NAV3: variants seen among roughly 807,000 people sequenced by gnomAD.
NAV3 encodes the protein pore membrane and/or filament interacting like protein 1.
A neutral mutation model predicts 244.7 loss-of-function variants in NAV3; 87 were observed. That is an observed-to-expected ratio of 0.36 (90% CI 0.30 to 0.42). NAV3 has a LOEUF of 0.42. NAV3 is among the 20% of genes least tolerant of loss of function. NAV3 has a pLI of 1.00. For missense variants in NAV3, 2,663 were observed against 2,893.3 expected, an observed-to-expected ratio of 0.92 and a Z score of 1.83; for synonymous variants, 1,126 against 1,042.2, an observed-to-expected ratio of 1.08 and a Z score of -1.55.
At chr12:78,174,765 T>C (rs1343365956) in intron 24 of NAV3, among the ~76,000 whole-genome samples, 4 of 151,994 alleles carry the variant, frequency 2.6e-5, no homozygotes, top group African/African-American at 9.7e-5. Flanking sequence ...GCCAAGTTAC[T>C]TAACTTCTTT....
intron 12 of NAV3, among the ~76,000 whole-genome samples, chr12:78,100,382 T>A (rs1388542338): frequency 6.6e-6 from 1 of 151,946 alleles, no homozygotes; most frequent in Non-Finnish European, 1.5e-5. Context: ...CCCAAAATTG[T>A]TTTATGCCTA....
intron 2 of NAV3, among the ~76,000 whole-genome samples, chr12:77,789,580 C>T (rs549574317): frequency 4.0e-5 from 6 of 150,832 alleles, no homozygotes; most frequent in East Asian, 2.0e-4. Context: ...GAGGCGGAGG[C>T]GGGTGGATCA....
chr12:77,771,291 C>T (rs370235814), intron 2 of NAV3, among the ~76,000 whole-genome samples: 13 of 152,146 alleles, frequency 8.5e-5, no homozygotes, highest in South Asian at 2.1e-4. Context: ...TGTGGAGAAA[C>T]AGGAACACTT....
intron 2 of NAV3, among the ~76,000 whole-genome samples, chr12:77,622,304 T>C (rs543836622): frequency 1.3e-5 from 2 of 151,960 alleles, no homozygotes; most frequent in Non-Finnish European, 2.9e-5. Flanking sequence ...GGACTACAGG[T>C]GCCCGCCACC....
chr12:77,669,386 C>G (rs184342240), intron 2 of NAV3, among the ~76,000 whole-genome samples: 19 of 152,218 alleles, frequency 1.2e-4, no homozygotes, highest in Non-Finnish European at 1.6e-4. Context: ...CTTAAATGCT[C>G]CACTTAAAAG....
chr12:78,074,659 G>A (rs996596036), intron 12 of NAV3, among the ~76,000 whole-genome samples: 3 of 152,146 alleles, frequency 2.0e-5, no homozygotes, highest in Non-Finnish European at 2.9e-5. Flanking sequence ...AGCAGAGATC[G>A]TGTCACTATA....
rs1960958387 is a variant in NAV3, at chr12:78,212,502, ATTG to A, written c.*1987_*1989del. The A allele has an allele frequency of 6.6e-6, 1 of 152,622 alleles. No homozygotes were observed. Among genetic ancestry groups the A allele is most frequent in the South Asian group, 2.1e-4 (1 of 4,826 alleles). 9.5% of individuals were successfully genotyped at this position (152,622 alleles called of 1,614,324 possible). The stretch of plus-strand genomic sequence containing the variant: ...TCCGAACTGAATTTATGCACATAGA[ATTG>A]TCACCCTGACTTTGAAGCCTCAAAC... On this transcript the variant is annotated 3_prime_UTR_variant, in exon 40 of 40. Coordinates refer to ENST00000397909, the MANE Select transcript of NAV3 (RefSeq NM_001024383.2).
At chr12:78,161,027 G>A (rs1957522886) in intron 23 of NAV3, among the ~76,000 whole-genome samples, 1 of 151,768 alleles carries the variant, frequency 6.6e-6, no homozygotes, top group Non-Finnish European at 1.5e-5. Flanking sequence ...TAAGAACCCA[G>A]CAAATAGAAT....
At position 77,859,885 on chromosome 12, in the gene NAV3, A is replaced by AT. The variant is rs201265890; in HGVS notation, c.243+28187dup. Among the ~76,000 whole-genome samples, 782 of 151,412 alleles carry AT rather than the reference A, an allele frequency of 5.2e-3. 5 individuals are homozygous for AT. The highest frequency in any genetic ancestry group is 0.018 in the African/African-American group (730 of 41,348). On this transcript the variant is annotated intron_variant, in intron 1 of 39. Transcript: ENST00000397909. ...AACCCTGGCATGCCTCATAATTCTC[A>AT]TTTTTTAATTTTCTCCTTATCACAC... is the stretch of plus-strand genomic sequence containing the variant.
rs146687315 is a variant in NAV3 at position 77,914,888 on chromosome 12, G to A, written c.244-25431G>A. Among the ~76,000 whole-genome samples the A allele has an allele frequency of 3.8e-3, 549 of 145,910 alleles. 4 individuals carry two copies. The highest frequency in any genetic ancestry group is 0.013 in the African/African-American group (519 of 39,568). ...GTTTTGAGCTTTATGCCTAATGCCT[G>A]TGTTTTGGTATGCATATTATTTACA... On this transcript the variant is annotated intron_variant, in intron 1 of 39. Transcript: ENST00000397909.
intron 1 of NAV3, among the ~76,000 whole-genome samples, chr12:77,846,958 A>G (rs1277889746): frequency 6.6e-6 from 1 of 152,334 alleles, no homozygotes; most frequent in South Asian, 2.1e-4. Context: ...TCTTAGTTCC[A>G]TGAGTTCATC....
chr12:77,737,718 T>C (rs754370451), intron 2 of NAV3, among the ~76,000 whole-genome samples: 3 of 152,202 alleles, frequency 2.0e-5, no homozygotes, highest in Non-Finnish European at 4.4e-5. Flanking sequence ...ATGTAATTTC[T>C]GGTAAGGTCT....
Position 78,189,074 on chromosome 12 carries a change from T to C in NAV3, c.6055+297T>C, listed in dbSNP as rs1958855412. ...TTCTGGATTTTCTTCATTATCATCCTTCATTACAGGAGGATTCAAAACATT... is the reference window on the plus strand; with the variant it reads ...TTCTGGATTTTCTTCATTATCATCCCTCATTACAGGAGGATTCAAAACATT... On this transcript the variant is annotated intron_variant, in intron 33 of 39. Transcript: ENST00000397909. Among the ~76,000 whole-genome samples the C allele has an allele frequency of 3.3e-5, 5 of 152,000 alleles. No individual in the cohort carries two copies. The South Asian group carries it at 1.0e-3, about 32-fold the overall frequency.
At chr12:78,092,771 A>G (rs1179381347) in intron 12 of NAV3, among the ~76,000 whole-genome samples, 1 of 152,062 alleles carries the variant, frequency 6.6e-6, no homozygotes, top group Non-Finnish European at 1.5e-5. Context: ...AAGTGCTGGG[A>G]TTACAGGCGT....
chr12:78,156,846 C>T (rs1957324130), intron 22 of NAV3, among the ~76,000 whole-genome samples: 1 of 151,994 alleles, frequency 6.6e-6, no homozygotes, highest in South Asian at 2.1e-4. Flanking sequence ...TTTAAATTCA[C>T]ATATATGAAT....
intron 2 of NAV3, among the ~76,000 whole-genome samples, chr12:77,777,931 A>G (rs746345615): frequency 1.3e-5 from 2 of 151,608 alleles, no homozygotes; most frequent in East Asian, 2.0e-4. Context: ...TCAGCCTCCC[A>G]AGTAACTGGG....
chr12:77,702,729 T>G (rs1555196256), intron 2 of NAV3, among the ~76,000 whole-genome samples: 1 of 152,008 alleles, frequency 6.6e-6, no homozygotes, highest in Non-Finnish European at 1.5e-5. Flanking sequence ...TTGTTATATT[T>G]TAGTTTTATA....
Position 77,921,878 on chromosome 12 carries a change from C to T in NAV3, c.244-18441C>T, listed in dbSNP as rs562060649. 3.3e-5 allele frequency among the ~76,000 whole-genome samples: 5 copies of T among 152,156 alleles called. No individual in the cohort carries two copies. The South Asian group carries it at 8.3e-4, about 25-fold the overall frequency. ...ACTTAATGACTTGGGGCAAATTAGTCAATGAATCTGAGCTTCAATTGTTTC... is the reference window on the plus strand; with the variant it reads ...ACTTAATGACTTGGGGCAAATTAGTTAATGAATCTGAGCTTCAATTGTTTC... On this transcript the variant is annotated intron_variant, in intron 1 of 39. Coordinates refer to ENST00000397909, the MANE Select transcript of NAV3 (RefSeq NM_001024383.2).
At chr12:77,918,630 G>A (rs543910469) in intron 1 of NAV3, among the ~76,000 whole-genome samples, 3 of 152,140 alleles carry the variant, frequency 2.0e-5, no homozygotes, top group East Asian at 1.9e-4. Flanking sequence ...CATCAGCTAG[G>A]TGATAGTTTC....
Sources: allele counts gnomAD v4.1 joint callset (sites outside exome capture counted in the v4.1 genomes callset), GRCh38; gene constraint gnomAD v4.1.1; transcripts MANE v1.5; gene names NCBI Gene and HGNC (gene_info 2026-07-23, HGNC 2026-07-21).